CPQ: variants seen among roughly 807,000 people sequenced by gnomAD.
CPQ encodes carboxypeptidase Q, also known as Ser-Met dipeptidase.
CPQ carries 37 observed loss-of-function variants against 45.7 expected under a neutral mutation model. The ratio of observed to expected loss-of-function variants is 0.81; its 90% CI spans 0.62 to 1.07. The LOEUF (loss-of-function observed/expected upper bound fraction) is 1.07, where lower values mean the gene tolerates loss of function less well. CPQ is among the 50% of genes least tolerant of loss of function. The pLI is 0.00. For missense variants in CPQ, 537 were observed against 572.9 expected, an observed-to-expected ratio of 0.94 and a Z score of 0.64; for synonymous variants, 186 against 205.8, an observed-to-expected ratio of 0.90 and a Z score of 0.82.
intron 2 of CPQ, among the ~76,000 whole-genome samples, chr8:96,788,214 A>C (rs1810800134): frequency 6.7e-6 from 1 of 148,494 alleles, no homozygotes; most frequent in Admixed American, 6.8e-5. Context: ...GCTGGAGTGC[A>C]ATGGCACAAT....
intron 4 of CPQ, among the ~76,000 whole-genome samples, chr8:96,906,276 G>T (rs12335092): frequency 0.38 from 57,561 of 151,912 alleles, 11,546 homozygotes; most frequent in Non-Finnish European, 0.45. Flanking sequence ...ATGTGGATAA[G>T]GATACTTACC....
intron 1 of CPQ, among the ~76,000 whole-genome samples, chr8:96,715,584 A>G (rs1809662943): frequency 6.6e-6 from 1 of 152,160 alleles, no homozygotes; most frequent in Non-Finnish European, 1.5e-5. Flanking sequence ...GGGGGAGAAG[A>G]AGTCCCCTTC....
At chr8:96,799,274 A>C (rs1014654122) in intron 2 of CPQ, among the ~76,000 whole-genome samples, 3 of 152,214 alleles carry the variant, frequency 2.0e-5, no homozygotes, top group Non-Finnish European at 4.4e-5. Context: ...ATAGGAACCT[A>C]AAATAGCCTT....
Position 97,041,817 on chromosome 8 carries a change from G to A in CPQ, c.1053+12323G>A, listed in dbSNP as rs570320400. Among the ~76,000 whole-genome samples the A allele has an allele frequency of 2.6e-5, 4 of 152,314 alleles. No individual in the cohort carries two copies. In the South Asian group the frequency reaches 8.3e-4, roughly 32 times the overall value. The stretch of plus-strand genomic sequence containing the variant: ...GATTTGCGTATATTGAACCAGCCTT[G>A]CATCCCAGGGATGAAGCCCACTTGA... On this transcript the variant is annotated intron_variant, in intron 6 of 7. Coordinates refer to ENST00000220763, the MANE Select transcript of CPQ (RefSeq NM_016134.4).
chr8:96,909,052 A>C (rs1207572208), intron 4 of CPQ, among the ~76,000 whole-genome samples: 4 of 152,150 alleles, frequency 2.6e-5, no homozygotes, highest in African/African-American at 9.7e-5. Context: ...TAAAACCAAG[A>C]TATGACCTGT....
At chr8:97,003,301 T>A (rs555949060) in intron 5 of CPQ, among the ~76,000 whole-genome samples, 1 of 152,308 alleles carries the variant, frequency 6.6e-6, no homozygotes, top group East Asian at 1.9e-4. Context: ...CCTGTCATCA[T>A]GTTAGCTGAT....
intron 4 of CPQ, among the ~76,000 whole-genome samples, chr8:96,939,887 T>A (rs1184333758): frequency 1.3e-5 from 2 of 152,202 alleles, no homozygotes; most frequent in East Asian, 3.8e-4. Flanking sequence ...TGCTAGGTAA[T>A]GCCAAATTGT....
At chr8:97,023,477 TA>T (rs1586500114) in intron 5 of CPQ, among the ~76,000 whole-genome samples, 1 of 151,718 alleles carries the variant, frequency 6.6e-6, no homozygotes, top group Non-Finnish European at 1.5e-5. Flanking sequence ...CCTATGGAAA[TA>T]AAAAAATAAA....
chr8:96,885,465 A>G (rs146576469), intron 4 of CPQ, among the ~76,000 whole-genome samples: 36 of 152,340 alleles, frequency 2.4e-4, no homozygotes, highest in African/African-American at 8.4e-4. Context: ...GATATTGTTC[A>G]GTAATAACAC....
At chr8:96,915,096 A>C (rs1252486640) in intron 4 of CPQ, among the ~76,000 whole-genome samples, 1 of 152,168 alleles carries the variant, frequency 6.6e-6, no homozygotes, top group Non-Finnish European at 1.5e-5. Flanking sequence ...TTGTTTAAGG[A>C]AAGAATCAAA....
At chr8:96,697,695 T>C (rs1375266666) in intron 1 of CPQ, among the ~76,000 whole-genome samples, 1 of 152,058 alleles carries the variant, frequency 6.6e-6, no homozygotes, top group Non-Finnish European at 1.5e-5. Flanking sequence ...TAAAAATGAG[T>C]AGTATTTCTA....
At chr8:97,130,212 T>A (rs1484145198) in intron 7 of CPQ, among the ~76,000 whole-genome samples, 1 of 152,164 alleles carries the variant, frequency 6.6e-6, no homozygotes, top group Non-Finnish European at 1.5e-5. Flanking sequence ...TATCAAGAAT[T>A]CTAAAGGCTT....
At chr8:96,776,194 T>TA (rs1240578063) in intron 1 of CPQ, among the ~76,000 whole-genome samples, 1 of 152,178 alleles carries the variant, frequency 6.6e-6, no homozygotes, top group Admixed American at 6.6e-5. Flanking sequence ...TTAAGATACT[T>TA]AAAGGGCTAA....
chr8:96,838,051 C>T (rs370662021), intron 3 of CPQ, among the ~76,000 whole-genome samples: 1 of 152,190 alleles, frequency 6.6e-6, no homozygotes, highest in African/African-American at 2.4e-5. Flanking sequence ...TTTCCCTTCT[C>T]ACTGCCACAC....
rs555404600 is a variant in CPQ, at chr8:96,734,063, G to A, written c.-34-50801G>A. 1.4e-3 allele frequency among the ~76,000 whole-genome samples: 218 copies of A among 152,296 alleles called. 4 individuals are homozygous for A. Among genetic ancestry groups the A allele is most frequent in the Admixed American group, 0.011 (169 of 15,304 alleles). ...GCAGAACATGGTAGACCTCTAAGAG[G>A]CATTAATTACAGTGCGCACAGCTGT... On this transcript the variant is annotated intron_variant, in intron 1 of 7. Coordinates refer to ENST00000220763, the MANE Select transcript of CPQ (RefSeq NM_016134.4).
chr8:97,096,638 G>C (rs918203816), intron 7 of CPQ, among the ~76,000 whole-genome samples: 5 of 152,184 alleles, frequency 3.3e-5, no homozygotes, highest in African/African-American at 1.2e-4. Context: ...GATGGCAGAG[G>C]ATTGAAGAGT....
rs182138487 is a variant in CPQ at position 96,790,267 on chromosome 8, C to T, written c.433+4937C>T. On this transcript the variant is annotated intron_variant, in intron 2 of 7. Coordinates refer to ENST00000220763, the MANE Select transcript of CPQ (RefSeq NM_016134.4). ...GAGCTAGATGCAGTGATAGTGGCACCTCCCAGTGTCACCCAGAATGATATC... is the reference window on the plus strand; with the variant it reads ...GAGCTAGATGCAGTGATAGTGGCACTTCCCAGTGTCACCCAGAATGATATC... Among the ~76,000 whole-genome samples the T allele has an allele frequency of 6.2e-3, 939 of 152,230 alleles. 6 individuals are homozygous for T. Among genetic ancestry groups the T allele is most frequent in the Non-Finnish European group, 8.3e-3 (563 of 68,006 alleles).
intron 2 of CPQ, among the ~76,000 whole-genome samples, chr8:96,814,692 G>A (rs763800986): frequency 6.6e-6 from 1 of 152,118 alleles, no homozygotes; most frequent in East Asian, 1.9e-4. Context: ...TAAGGCACAG[G>A]TGCTAACATC....
At chr8:96,692,079 A>G (rs1311896669) in intron 1 of CPQ, among the ~76,000 whole-genome samples, 1 of 152,178 alleles carries the variant, frequency 6.6e-6, no homozygotes, top group Non-Finnish European at 1.5e-5. Context: ...TTGTCTCTGG[A>G]AAATGAATCT....
Sources: gnomAD v4.1 joint callset for allele counts (sites outside exome capture counted in the v4.1 genomes callset) on GRCh38, gnomAD v4.1.1 for gene constraint, MANE v1.5 for transcripts, NCBI Gene and HGNC (gene_info 2026-07-23, HGNC 2026-07-21) for gene names.